Variants in PARD3B observed in about 807,000 individuals in gnomAD.
PARD3B encodes the protein par-3 family cell polarity regulator beta, also known as partitioning defective 3 homolog B.
In PARD3B, 103 loss-of-function variants were observed where a neutral mutation model predicts 130.2. The observed-to-expected ratio is 0.79, with a 90% CI of 0.67 to 0.93. The LOEUF (loss-of-function observed/expected upper bound fraction) is 0.93, where lower values mean the gene tolerates loss of function less well. PARD3B is among the 40% of genes least tolerant of loss of function. PARD3B has a pLI of 0.00. For synonymous variants in PARD3B, 583 were observed against 553.2 expected (o/e 1.05, Z -0.76); for missense variants, 1,609 against 1,499.2 (o/e 1.07, Z -1.21).
Position 204,881,486 on chromosome 2 carries a change from T to C in PARD3B, c.223-83666T>C, listed in dbSNP as rs78360987. 4.6e-3 allele frequency among the ~76,000 whole-genome samples: 675 copies of C among 146,694 alleles called. 4 individuals carry two copies. The highest frequency in any genetic ancestry group is 7.2e-3 in the Non-Finnish European group (476 of 66,024). ...AGAAAACAATGAGGGAGAGTTAAGC[T>C]TTTTTTTTTTCTTTTTTCCTTTTAG... On this transcript the variant is annotated intron_variant, in intron 2 of 22. Transcript: ENST00000406610.
rs2055446254 is a variant in PARD3B, at chr2:205,616,623, C to G, written c.*810C>G. On this transcript the variant is annotated 3_prime_UTR_variant, in exon 23 of 23. Coordinates refer to ENST00000406610, the MANE Select transcript of PARD3B (RefSeq NM_001302769.2). The stretch of plus-strand genomic sequence containing the variant: ...CCCACGGCCCTCACCTTCCTCCCTC[C>G]CACATTCCAGGCATGGAGATATCTG... The G allele has an allele frequency of 6.6e-6, 1 of 152,244 alleles. No homozygotes were observed. The highest frequency in any genetic ancestry group is 2.1e-4 in the South Asian group (1 of 4,822). 9.4% of individuals were successfully genotyped at this position (152,244 alleles called of 1,614,324 possible). A position where few individuals can be genotyped will look rare whatever the true frequency, so the allele number is the denominator to read the frequency against.
chr2:205,462,932 A>C (rs1288127096), intron 20 of PARD3B, among the ~76,000 whole-genome samples: 1 of 152,292 alleles, frequency 6.6e-6, no homozygotes, highest in Admixed American at 6.5e-5. Context: ...TAATGAACCA[A>C]CCTGAACAAT....
At chr2:205,368,889 G>A (rs928219853) in intron 18 of PARD3B, among the ~76,000 whole-genome samples, 1 of 151,328 alleles carries the variant, frequency 6.6e-6, no homozygotes, top group African/African-American at 2.4e-5. Flanking sequence ...CCATAACGTT[G>A]AAGAGCTCTC....
chr2:204,644,060 T>G (rs755067474), intron 1 of PARD3B, among the ~76,000 whole-genome samples: 30 of 152,222 alleles, frequency 2.0e-4, no homozygotes, highest in Admixed American at 5.2e-4. Context: ...ATTCGTTCTC[T>G]GAAGGAGGCT....
At chr2:205,082,810 T>TAAATATG (rs1701499402) in intron 4 of PARD3B, among the ~76,000 whole-genome samples, 1 of 152,208 alleles carries the variant, frequency 6.6e-6, no homozygotes, top group Non-Finnish European at 1.5e-5. Flanking sequence ...ATTTGAAGCC[T>TAAATATG]TTGCTTTAAT....
chr2:205,158,291 G>T lies in PARD3B; in HGVS notation c.1435-431G>T, dbSNP rs941847249. Among the ~76,000 whole-genome samples, 2 of 152,076 alleles carry T rather than the reference G, an allele frequency of 1.3e-5. No individual in the cohort carries two copies. The highest frequency in any genetic ancestry group is 4.2e-4 in the South Asian group (2 of 4,808). On this transcript the variant is annotated intron_variant, in intron 10 of 22. Coordinates refer to ENST00000406610, the MANE Select transcript of PARD3B (RefSeq NM_001302769.2). The surrounding 1 kb of genome is among the most constrained non-coding windows in gnomAD (Gnocchi z 5.4). ...CCATATTTTCCTGAAATTTTAAGAC[G>T]TTTCTACACTAAACTCTGTTCCTTC...
At chr2:205,036,757 C>A (rs532179167) in intron 3 of PARD3B, among the ~76,000 whole-genome samples, 1 of 147,532 alleles carries the variant, frequency 6.8e-6, no homozygotes, top group Non-Finnish European at 1.5e-5. Context: ...ATATACACAG[C>A]GGACTGTATG....
chr2:204,944,395 A>T (rs1689150287), intron 2 of PARD3B, among the ~76,000 whole-genome samples: 1 of 152,210 alleles, frequency 6.6e-6, no homozygotes, highest in South Asian at 2.1e-4. Context: ...GGGCAAGGAG[A>T]TGTGCCCTTT....
intron 4 of PARD3B, among the ~76,000 whole-genome samples, chr2:205,074,973 A>G (rs1400650220): frequency 6.6e-6 from 1 of 152,252 alleles, no homozygotes; most frequent in African/African-American, 2.4e-5. Context: ...AGTGTTCTGT[A>G]GCTCACTGAA....
chr2:205,395,428 TCTTGA>T (rs1427867939), intron 18 of PARD3B, among the ~76,000 whole-genome samples: 1 of 152,142 alleles, frequency 6.6e-6, no homozygotes, highest in African/African-American at 2.4e-5. Flanking sequence ...AACCACATTC[TCTTGA>T]CTTTCTTTCT....
chr2:205,258,178 T>C lies in PARD3B; in HGVS notation c.2185+12356T>C, dbSNP rs1401779874. Reference sequence around the variant, plus strand: ...GATGCAGTCAGCTTTGACTTTTTCCTCTCTTAAGCCCTGACATTTACCAGC... The same window carrying C: ...GATGCAGTCAGCTTTGACTTTTTCCCCTCTTAAGCCCTGACATTTACCAGC... On this transcript the variant is annotated intron_variant, in intron 16 of 22. Transcript: ENST00000406610. This position sits in a 1 kb window ranked among gnomAD's most constrained non-coding sequence, Gnocchi z 4.9. Among the ~76,000 whole-genome samples, 1 of 152,092 alleles carries C rather than the reference T, an allele frequency of 6.6e-6. No homozygotes were observed. The highest frequency in any genetic ancestry group is 1.5e-5 in the Non-Finnish European group (1 of 68,028).
At chr2:204,731,924 T>TGG (rs2039526271) in intron 2 of PARD3B, among the ~76,000 whole-genome samples, 1 of 152,060 alleles carries the variant, frequency 6.6e-6, no homozygotes, top group South Asian at 2.1e-4. Flanking sequence ...TAACACCCGT[T>TGG]TTAGCTCATC....
chr2:204,746,836 C>A (rs1336282509), intron 2 of PARD3B, among the ~76,000 whole-genome samples: 1 of 151,902 alleles, frequency 6.6e-6, no homozygotes, highest in Non-Finnish European at 1.5e-5. Flanking sequence ...TTGTTTTTTT[C>A]TTGTAAATTT....
intron 18 of PARD3B, among the ~76,000 whole-genome samples, chr2:205,345,010 G>A (rs1408777688): frequency 6.6e-6 from 1 of 151,980 alleles, no homozygotes; most frequent in Non-Finnish European, 1.5e-5. Flanking sequence ...CTACCAACAG[G>A]GCCAGCATAA....
chr2:204,969,259 C>T (rs1290497720), intron 3 of PARD3B, among the ~76,000 whole-genome samples: 1 of 152,194 alleles, frequency 6.6e-6, no homozygotes, highest in African/African-American at 2.4e-5. Context: ...ATTAGGGTTT[C>T]AATGGATGCT....
chr2:204,716,858 G>A (rs549283024), intron 2 of PARD3B, among the ~76,000 whole-genome samples: 7 of 152,136 alleles, frequency 4.6e-5, no homozygotes, highest in Non-Finnish European at 1.0e-4. Flanking sequence ...TCCTGACCTC[G>A]TGATCTGCCT....
chr2:204,969,639 AT>A (rs1691531162), intron 3 of PARD3B, among the ~76,000 whole-genome samples: 1 of 152,204 alleles, frequency 6.6e-6, no homozygotes, highest in African/African-American at 2.4e-5. Flanking sequence ...TGGAACCCAC[AT>A]TTCTTGGCTT....
At chr2:205,359,083 G>A (rs2044296941) in intron 18 of PARD3B, among the ~76,000 whole-genome samples, 1 of 152,168 alleles carries the variant, frequency 6.6e-6, no homozygotes, top group Admixed American at 6.5e-5. Context: ...AATCTATAAT[G>A]TTTGGGAATT....
At chr2:205,109,647 A>G (rs1345168307) in intron 5 of PARD3B, among the ~76,000 whole-genome samples, 1 of 119,710 alleles carries the variant, frequency 8.4e-6, no homozygotes, top group Non-Finnish European at 1.6e-5. Context: ...GGAAATACCT[A>G]ATCTTTTTTT....
Sources: gnomAD v4.1 joint callset for allele counts (sites outside exome capture counted in the v4.1 genomes callset) on GRCh38, gnomAD v4.1.1 for gene constraint, Gnocchi (gnomAD v3.1) non-coding constraint, MANE v1.5 for transcripts, NCBI Gene and HGNC (gene_info 2026-07-23, HGNC 2026-07-21) for gene names.